The following LRPPRC variants were observed in gnomAD, a reference collection of about 807,000 sequenced individuals.
The protein encoded by LRPPRC is leucine-rich PPR motif-containing protein, mitochondrial.
Under a neutral mutation model 180.3 loss-of-function variants are expected in LRPPRC, and 120 were observed. The observed-to-expected ratio is 0.67, with a 90% CI of 0.57 to 0.77. LRPPRC has a LOEUF of 0.77. Among genes scored for constraint, LRPPRC ranks in the 30% least tolerant of loss-of-function variants. The pLI, the probability that LRPPRC is intolerant of heterozygous loss-of-function variation, is 0.00. For synonymous variants in LRPPRC, 723 were observed against 600.0 expected, an observed-to-expected ratio of 1.21 and a Z score of -3.00; for missense variants, 2,012 against 1,657.2, an observed-to-expected ratio of 1.21 and a Z score of -3.72.
chr2:43,900,638 CAAAA>C (rs892297678), intron 32 of LRPPRC, among the ~76,000 whole-genome samples: 2 of 150,206 alleles, frequency 1.3e-5, no homozygotes, highest in African/African-American at 2.4e-5. Flanking sequence ...CTCAAACAAA[CAAAA>C]AAAAACCCCT....
chr2:43,983,012 G>C (rs1196585243), intron 1 of LRPPRC, among the ~76,000 whole-genome samples: 6 of 151,688 alleles, frequency 4.0e-5, no homozygotes, highest in African/African-American at 1.5e-4. Context: ...TAGTGATAAG[G>C]CTCTTAATTC....
chr2:43,900,397 G>T (rs1038615352), intron 32 of LRPPRC, among the ~76,000 whole-genome samples: 1 of 151,640 alleles, frequency 6.6e-6, no homozygotes, highest in African/African-American at 2.4e-5. Context: ...AACTAAAAAT[G>T]AATACTGTTA....
Position 43,887,753 on chromosome 2 carries a change from G to C in LRPPRC, c.*847C>G, listed in dbSNP as rs925574395. On this transcript the variant is annotated 3_prime_UTR_variant, in exon 38 of 38. Coordinates refer to ENST00000260665, the MANE Select transcript of LRPPRC (RefSeq NM_133259.4). ...TTAACAGGCATGAGATTCAATATAG[G>C]GATCACTTTTATTTCAAACAATTAA... is the stretch of plus-strand genomic sequence containing the variant. 3 of 151,514 alleles carry C rather than the reference G, an allele frequency of 2.0e-5. No individual in the cohort carries two copies. The highest frequency in any genetic ancestry group is 4.4e-5 in the Non-Finnish European group (3 of 67,842). The allele number at this position is 151,514 out of a possible 1,614,324, so 9.4% of individuals were successfully genotyped here.
At chr2:43,948,694 C>T (rs1484561591) in intron 16 of LRPPRC, among the ~76,000 whole-genome samples, 176 bp from the exon 17 acceptor site, 1 of 152,168 alleles carries the variant, frequency 6.6e-6, no homozygotes, top group Admixed American at 6.5e-5. Context: ...ACATATCTAA[C>T]TGGTGAGTGA....
chr2:43,893,527 A>T (rs1471766494), intron 36 of LRPPRC, among the ~76,000 whole-genome samples: 1 of 152,216 alleles, frequency 6.6e-6, no homozygotes, highest in East Asian at 1.9e-4. Context: ...GGCACAGATG[A>T]TCGTTAACTA....
At chr2:43,918,802 T>G (rs1008248541) in intron 27 of LRPPRC, among the ~76,000 whole-genome samples, 4 of 135,736 alleles carry the variant, frequency 2.9e-5, no homozygotes, top group Admixed American at 7.3e-5. Flanking sequence ...GATATATATA[T>G]ATATATAGAT....
At chr2:43,919,010 G>A (rs1278661402) in intron 27 of LRPPRC, among the ~76,000 whole-genome samples, 5 of 152,006 alleles carry the variant, frequency 3.3e-5, no homozygotes, top group Admixed American at 1.3e-4. Flanking sequence ...GTACTGGTCC[G>A]TGGTCTGTTA....
At chr2:43,911,523 CTTTTTTTTTTTTTT>C (rs531172761) in intron 30 of LRPPRC, among the ~76,000 whole-genome samples, 1 of 92,372 alleles carries the variant, frequency 1.1e-5, no homozygotes, top group Non-Finnish European at 2.0e-5. Flanking sequence ...TCTTCTTCTT[CTTTTTTTTTTTTTT>C]TTTTTTTGAG....
intron 25 of LRPPRC, among the ~76,000 whole-genome samples, chr2:43,933,309 C>G (rs1398951228): frequency 6.6e-6 from 1 of 152,158 alleles, no homozygotes; most frequent in Non-Finnish European, 1.5e-5. Context: ...TTTTCAGTTT[C>G]ATGATAAGCA....
intron 3 of LRPPRC, among the ~76,000 whole-genome samples, 176 bp downstream of exon 3, chr2:43,979,650 A>G (rs1674216167): frequency 2.0e-5 from 3 of 152,166 alleles, no homozygotes; most frequent in Admixed American, 2.0e-4. Flanking sequence ...AAAATTATTT[A>G]TTGTTAATGA....
intron 14 of LRPPRC, among the ~76,000 whole-genome samples, chr2:43,956,032 G>A (rs1673099930): frequency 6.7e-6 from 1 of 149,160 alleles, no homozygotes. Flanking sequence ...CACCCATGAA[G>A]TACTATTGCT....
chr2:43,893,462 GC>G (rs1269632304), intron 36 of LRPPRC, among the ~76,000 whole-genome samples: 1 of 152,158 alleles, frequency 6.6e-6, no homozygotes, highest in Non-Finnish European at 1.5e-5. Flanking sequence ...TGATCATTCA[GC>G]AGCCATCAAC....
At chr2:43,962,077 A>G (rs760637337) in intron 12 of LRPPRC, among the ~76,000 whole-genome samples, 5 of 152,212 alleles carry the variant, frequency 3.3e-5, no homozygotes, top group Admixed American at 1.3e-4. Flanking sequence ...AATGAAGGCA[A>G]CATAGTTGAG....
At chr2:43,942,245 G>C (rs1388131263) in intron 23 of LRPPRC, among the ~76,000 whole-genome samples, 1 of 152,156 alleles carries the variant, frequency 6.6e-6, no homozygotes, top group Non-Finnish European at 1.5e-5. Flanking sequence ...GGTAGTGTAG[G>C]AGGGCCTAAT....
At chr2:43,984,109 C>G (rs11124955) in intron 1 of LRPPRC, among the ~76,000 whole-genome samples, 48,806 of 151,788 alleles carry the variant, frequency 0.32, 9,153 homozygotes, top group Non-Finnish European at 0.43. Flanking sequence ...TTCCAAAAGG[C>G]ATTTATCTAG....
Position 43,974,667 on chromosome 2 carries a change from T to C in LRPPRC, c.956A>G (p.Gln319Arg), listed in dbSNP as rs150357537. Residue 319 changes from glutamine (Q) to arginine (R), a missense_variant, in exon 8 of 38, where the codon CAG (glutamine) becomes CGG (arginine). Physicochemically the swap from Gln to Arg is conservative, Grantham distance 43. Transcript: ENST00000260665. ...IFSFSKAGYP[Q>R]YVSEILEKVT... ...TTTTTCCAAAATTTCTGAGACATAC[T>C]GAGGATACCCAGCTTTACTGAAGCT... 39 of 1,611,600 alleles carry C rather than the reference T, an allele frequency of 2.4e-5. No homozygotes were observed. In the African/African-American group the frequency reaches 4.8e-4, roughly 20 times the overall value.
chr2:43,934,191 T>A lies in LRPPRC; in HGVS notation c.2735A>T (p.Glu912Val). 1 of 1,557,872 alleles carries A rather than the reference T, an allele frequency of 6.4e-7. No homozygotes were observed. Among genetic ancestry groups the A allele is most frequent in the South Asian group, 1.1e-5 (1 of 89,746 alleles). ...GNYKEAKKIIETPGIRARSAR... is the reference protein window; with the variant it reads ...GNYKEAKKIIVTPGIRARSAR... The stretch of plus-strand genomic sequence containing the variant: ...AGAACACTGTAGTTAAAATCACACC[T>A]CAATGATCTTCTTGGCCTCTTTGTA... Residue 912 changes from glutamate (E) to valine (V), a missense_variant and splice_region_variant, in exon 25 of 38, where the codon GAG becomes GTG. By Grantham distance (121) the Glu-to-Val change is moderately radical. Transcript: ENST00000260665.
rs1670311585 is a variant in LRPPRC, at chr2:43,887,531, G to GAGTC, written c.*1065_*1068dup. The GAGTC allele has an allele frequency of 6.6e-6, 1 of 152,206 alleles. No homozygotes were observed. Among genetic ancestry groups the GAGTC allele is most frequent in the Non-Finnish European group, 1.5e-5 (1 of 68,048 alleles). The allele number at this position is 152,206 out of a possible 1,614,324, so 9.4% of individuals were successfully genotyped here. On this transcript the variant is annotated 3_prime_UTR_variant, in exon 38 of 38. Coordinates refer to ENST00000260665, the MANE Select transcript of LRPPRC (RefSeq NM_133259.4). The stretch of plus-strand genomic sequence containing the variant: ...TTGGCACTGAAACTGGAACAGTAGG[G>GAGTC]AGTCACCAAATTCAAATGAACAAGG...
chr2:43,960,537 T>C lies in LRPPRC; in HGVS notation c.1582+4A>G. 1 of 1,504,334 alleles carries C rather than the reference T, an allele frequency of 6.6e-7. No individual in the cohort carries two copies. Among genetic ancestry groups the C allele is most frequent in the Non-Finnish European group, 9.2e-7 (1 of 1,081,748 alleles). The allele number at this position is 1,504,334 out of a possible 1,614,324, so 93.2% of individuals were successfully genotyped here. ...CAAGTTTACCGCTAATGTTGTATAC[T>C]TACAAAATGATAATACAAAGTCTAA... On this transcript the variant is annotated splice_donor_region_variant and intron_variant, in intron 13 of 37. Transcript: ENST00000260665.
Sources: allele counts gnomAD v4.1 joint callset (sites outside exome capture counted in the v4.1 genomes callset), GRCh38; gene constraint gnomAD v4.1.1; transcripts MANE v1.5; gene names NCBI Gene and HGNC (gene_info 2026-07-23, HGNC 2026-07-21).